The following RBFOX1 variants were observed in gnomAD, a reference collection of about 807,000 sequenced individuals.
RBFOX1 encodes the protein RNA binding fox-1 homolog 1, also known as RNA binding protein fox-1 homolog 1.
Under a neutral mutation model 57.7 loss-of-function variants are expected in RBFOX1, and 8 were observed. That is an observed-to-expected ratio of 0.14 (90% CI 0.08 to 0.25). The LOEUF is 0.25. Ranked by LOEUF, RBFOX1 falls within the 10% of genes least tolerant of loss-of-function variation. The pLI is 1.00. For missense variants in RBFOX1, 611 were observed against 548.5 expected, an observed-to-expected ratio of 1.11 and a Z score of -1.14; for synonymous variants, 326 against 222.4, an observed-to-expected ratio of 1.47 and a Z score of -4.15.
chr16:7,278,070 C>T (rs962555239), intron 4 of RBFOX1, among the ~76,000 whole-genome samples: 5 of 152,068 alleles, frequency 3.3e-5, no homozygotes, highest in African/African-American at 4.8e-5. Context: ...CAGTTGATTC[C>T]GTAGGCGGCT....
At chr16:7,456,273 C>G (rs560606297) in intron 4 of RBFOX1, among the ~76,000 whole-genome samples, 8 of 152,250 alleles carry the variant, frequency 5.3e-5, no homozygotes, top group African/African-American at 1.9e-4. Flanking sequence ...AGGGACCCCC[C>G]CTTATACAAA....
chr16:5,370,041 T>A (rs1827328319), intron 1 of RBFOX1, among the ~76,000 whole-genome samples: 1 of 152,144 alleles, frequency 6.6e-6, no homozygotes, highest in South Asian at 2.1e-4. Flanking sequence ...ATCTATTCCA[T>A]GTATTGAGCA....
At chr16:6,114,103 C>T (rs1256461490) in intron 1 of RBFOX1, among the ~76,000 whole-genome samples, 1 of 152,028 alleles carries the variant, frequency 6.6e-6, no homozygotes, top group Non-Finnish European at 1.5e-5. Context: ...TTTTTTCTCC[C>T]TTCATCTTCT....
chr16:5,733,435 C>G (rs896789083), intron 3 of RBFOX1, among the ~76,000 whole-genome samples: 2 of 152,180 alleles, frequency 1.3e-5, no homozygotes, highest in Non-Finnish European at 2.9e-5. Context: ...GCAAGTGGCG[C>G]TCTTGTCTCT....
At chr16:6,231,341 G>A (rs1026346197) in intron 1 of RBFOX1, among the ~76,000 whole-genome samples, 8 of 151,926 alleles carry the variant, frequency 5.3e-5, no homozygotes, top group African/African-American at 1.9e-4. Context: ...GGAGGTTTCC[G>A]TGTTTAAATT....
chr16:5,544,592 A>G (rs1032382002), intron 2 of RBFOX1, among the ~76,000 whole-genome samples: 2 of 152,196 alleles, frequency 1.3e-5, no homozygotes, highest in Admixed American at 1.3e-4. Context: ...AAAAATCAAT[A>G]AAACCAACAG....
At chr16:6,326,641 T>C (rs2082403310) in intron 2 of RBFOX1, among the ~76,000 whole-genome samples, 1 of 152,168 alleles carries the variant, frequency 6.6e-6, no homozygotes. Context: ...TCCATAAACC[T>C]GCACTCTGTG....
chr16:6,928,025 C>G (rs1353875538), intron 3 of RBFOX1, among the ~76,000 whole-genome samples: 1 of 152,146 alleles, frequency 6.6e-6, no homozygotes, highest in Admixed American at 6.5e-5. Context: ...CAGCACCCAC[C>G]CCTCTAGATT....
At chr16:6,727,610 G>C (rs966368926) in intron 3 of RBFOX1, among the ~76,000 whole-genome samples, 2 of 151,926 alleles carry the variant, frequency 1.3e-5, no homozygotes, top group African/African-American at 2.4e-5. Flanking sequence ...GCCATACTAG[G>C]TTTCAGTATG....
intron 3 of RBFOX1, among the ~76,000 whole-genome samples, chr16:6,658,577 G>T (rs1442098212): frequency 6.6e-6 from 1 of 152,120 alleles, no homozygotes; most frequent in African/African-American, 2.4e-5. Context: ...GGCTCGATCT[G>T]AGACTCTTCA....
At chr16:5,555,083 G>T (rs1304996738) in intron 2 of RBFOX1, among the ~76,000 whole-genome samples, 1 of 152,150 alleles carries the variant, frequency 6.6e-6, no homozygotes, top group African/African-American at 2.4e-5. Context: ...TCTTTTGTGT[G>T]TTTGTGACAT....
chr16:7,023,183 A>G (rs991749676), intron 3 of RBFOX1, among the ~76,000 whole-genome samples: 1 of 152,098 alleles, frequency 6.6e-6, no homozygotes, highest in African/African-American at 2.4e-5. Flanking sequence ...AATGACCATT[A>G]TGAAATGAAT....
At chr16:6,116,007 C>G (rs1352235552) in intron 1 of RBFOX1, among the ~76,000 whole-genome samples, 1 of 152,112 alleles carries the variant, frequency 6.6e-6, no homozygotes, top group Non-Finnish European at 1.5e-5. Flanking sequence ...ATAGCAGAAA[C>G]TTGGAACCAA....
chr16:5,548,706 G>T (rs1262966888), intron 2 of RBFOX1, among the ~76,000 whole-genome samples: 4 of 152,062 alleles, frequency 2.6e-5, no homozygotes, highest in African/African-American at 9.7e-5. Flanking sequence ...TAAACTCTTG[G>T]GAATGATGGA....
At chr16:7,710,581 G>A in intron 15 of RBFOX1, 42 bp from the exon 16 acceptor site, 1 of 1,607,498 alleles carries the variant, frequency 6.2e-7, no homozygotes, top group African/African-American at 1.3e-5. Flanking sequence ...TGTTGCAAAA[G>A]GAAAATGTAA....
intron 3 of RBFOX1, among the ~76,000 whole-genome samples, chr16:6,926,113 C>G (rs956592528): frequency 1.3e-5 from 2 of 151,862 alleles, no homozygotes; most frequent in Admixed American, 1.3e-4. Context: ...CAAGACCAGC[C>G]TGGCCAACAT....
intron 3 of RBFOX1, among the ~76,000 whole-genome samples, chr16:5,642,289 A>C (rs1405653275): frequency 6.6e-6 from 1 of 152,210 alleles, no homozygotes; most frequent in African/African-American, 2.4e-5. Flanking sequence ...ATAGTCGATG[A>C]ATATCTTTCT....
intron 3 of RBFOX1, among the ~76,000 whole-genome samples, chr16:6,918,927 C>G: frequency 6.6e-6 from 1 of 151,996 alleles, no homozygotes; most frequent in East Asian, 1.9e-4. Flanking sequence ...GATCTAGTTA[C>G]GCAGGGTCCT....
intron 4 of RBFOX1, among the ~76,000 whole-genome samples, chr16:5,875,237 T>G (rs115866704): frequency 2.2e-3 from 328 of 152,272 alleles, no homozygotes; most frequent in African/African-American, 7.7e-3. Context: ...GCCTCCATGT[T>G]ACAGACAAAA....
Sources: allele counts gnomAD v4.1 joint callset (sites outside exome capture counted in the v4.1 genomes callset), GRCh38; gene constraint gnomAD v4.1.1; transcripts MANE v1.5; gene names NCBI Gene and HGNC (gene_info 2026-07-23, HGNC 2026-07-21).